The following KLHL14 variants were observed in gnomAD, a reference collection of about 807,000 sequenced individuals.
KLHL14 encodes kelch-like protein 14.
A neutral mutation model predicts 64.3 loss-of-function variants in KLHL14; 22 were observed. That is an observed-to-expected ratio of 0.34 (90% CI 0.24 to 0.49). The LOEUF is 0.49. Ranked by LOEUF, KLHL14 falls within the 20% of genes least tolerant of loss-of-function variation. The pLI is 0.99. For synonymous variants in KLHL14, 322 were observed against 333.4 expected (o/e 0.97, Z 0.37); for missense variants, 661 against 789.0 (o/e 0.84, Z 1.94).
At position 32,680,217 on chromosome 18, in the gene KLHL14, C is replaced by T; in HGVS notation, c.1540G>A (p.Ala514Thr). The stretch of plus-strand genomic sequence containing the variant: ...GCATACAAGCGATCATTCATTACAG[C>T]CAAAGTGTGAATTGCACGTTTTGTG... ...MNTKRAIHTL[A>T]VMNDRLYAIG... The change falls in exon 7 of 9, where the codon GCT becomes ACT. Residue 514 changes from alanine (A) to threonine (T), a missense_variant. This residue lies in a region of KLHL14 where 330 missense variants were observed against 450.0 expected (regional missense o/e 0.73). Coordinates refer to ENST00000359358, the MANE Select transcript of KLHL14 (RefSeq NM_020805.3). This position sits in a 1 kb window ranked among gnomAD's most constrained non-coding sequence, Gnocchi z 4.8. 1 of 1,613,796 alleles carries T rather than the reference C, an allele frequency of 6.2e-7. No homozygotes were observed. The highest frequency in any genetic ancestry group is 1.3e-5 in the African/African-American group (1 of 75,018).
At chr18:32,736,417 C>G (rs1162297289) in intron 3 of KLHL14, among the ~76,000 whole-genome samples, 1 of 152,038 alleles carries the variant, frequency 6.6e-6, no homozygotes, top group Non-Finnish European at 1.5e-5. Flanking sequence ...CTTCTTTGTC[C>G]AAAGCCATGG....
rs778029659 is a variant in KLHL14 at position 32,674,519 on chromosome 18, G to A, written c.*138C>T. 1 of 646,642 alleles carries A rather than the reference G, an allele frequency of 1.5e-6. No individual in the cohort carries two copies. The highest frequency in any genetic ancestry group is 2.8e-6 in the Non-Finnish European group (1 of 355,988). The allele number at this position is 646,642 out of a possible 1,614,324, so 40.1% of individuals were successfully genotyped here. On this transcript the variant is annotated 3_prime_UTR_variant, in exon 9 of 9. Coordinates refer to ENST00000359358, the MANE Select transcript of KLHL14 (RefSeq NM_020805.3). ...CAAGAACAGGTCTCTTTCTTTTGTA[G>A]TTACTTATAAATCATCAGAAACCAA... is the stretch of plus-strand genomic sequence containing the variant.
chr18:32,701,971 T>C (rs1336646253), intron 3 of KLHL14, among the ~76,000 whole-genome samples: 1 of 152,242 alleles, frequency 6.6e-6, no homozygotes, highest in African/African-American at 2.4e-5. Flanking sequence ...TTTGCCAGTA[T>C]GGTGAGTGAA....
At chr18:32,745,339 G>C (rs1158053458) in intron 2 of KLHL14, 4 of 152,200 alleles carry the variant, frequency 2.6e-5, no homozygotes, top group South Asian at 4.1e-4. Flanking sequence ...CCCAAAATAG[G>C]ATAAAACATG....
chr18:32,677,473 T>TTTCTCCCAATCTCAG, intron 7 of KLHL14, 143 bp from the exon 8 acceptor site: 1 of 770,690 alleles, frequency 1.3e-6, no homozygotes, highest in Non-Finnish European at 2.0e-6. Flanking sequence ...TTCACTGAGA[T>TTTCTCCCAATCTCAG]TGGGAGAAAT....
rs561232846 is a variant in KLHL14 at position 32,683,708 on chromosome 18, T to C, written c.1239-3109A>G. 1.1e-3 allele frequency among the ~76,000 whole-genome samples: 171 copies of C among 152,348 alleles called. 1 individual carries two copies. The Middle Eastern group carries it at 0.014, about 12-fold the overall frequency. Reference sequence around the variant, plus strand: ...TTTTAAAAAGATTAATAATAATGCGTACAAATATACTTTACACTCTGCTTA... The same window carrying C: ...TTTTAAAAAGATTAATAATAATGCGCACAAATATACTTTACACTCTGCTTA... On this transcript the variant is annotated intron_variant, in intron 5 of 8. Transcript: ENST00000359358. The surrounding 1 kb of genome is among the most constrained non-coding windows in gnomAD (Gnocchi z 4.2).
rs1310851414 is a variant in KLHL14 at position 32,770,572 on chromosome 18, C to T, written c.20G>A (p.Arg7Lys). The T allele has an allele frequency of 1.3e-6, 2 of 1,584,306 alleles. No individual in the cohort carries two copies. Among genetic ancestry groups the T allele is most frequent in the South Asian group, 2.3e-5 (2 of 88,572 alleles). Residue 7 changes from arginine to lysine, a missense_variant, in exon 2 of 9, where the codon AGG becomes AAG. Physicochemically the swap from Arg to Lys is conservative, Grantham distance 26. Coordinates refer to ENST00000359358, the MANE Select transcript of KLHL14 (RefSeq NM_020805.3). This position sits in a 1 kb window ranked among gnomAD's most constrained non-coding sequence, Gnocchi z 6.7. MSRSGD[R>K]TSTFDPSHSD... ...GTGGCTGGGGTCGAAGGTGGAGGTC[C>T]TGTCCCCGGATCTGGACATGGCGAG...
intron 4 of KLHL14, among the ~76,000 whole-genome samples, chr18:32,690,117 G>T (rs1247318724): frequency 6.6e-6 from 1 of 152,094 alleles, no homozygotes; most frequent in Non-Finnish European, 1.5e-5. Flanking sequence ...AGGGCGGCAG[G>T]TTTATGAGGA....
chr18:32,745,747 A>G (rs1231065166), intron 2 of KLHL14, among the ~76,000 whole-genome samples: 2 of 152,238 alleles, frequency 1.3e-5, no homozygotes. Context: ...TGCAATTATA[A>G]TAGTGACAAT....
chr18:32,682,537 C>A (rs1025028980), intron 5 of KLHL14, among the ~76,000 whole-genome samples: 14 of 152,046 alleles, frequency 9.2e-5, no homozygotes, highest in African/African-American at 3.4e-4. Context: ...TTGGAGGAAG[C>A]TTTTTAATGT....
In KLHL14 at chr18:32,683,978, T is replaced by A. The variant is rs1001279241; in HGVS notation, c.1238+3177A>T. On this transcript the variant is annotated intron_variant, in intron 5 of 8. Coordinates refer to ENST00000359358, the MANE Select transcript of KLHL14 (RefSeq NM_020805.3). The surrounding 1 kb of genome is among the most constrained non-coding windows in gnomAD (Gnocchi z 4.2). ...GACATATTAAGTTCTTGTCTTTTAT[T>A]TACTCTGTGAAATAGAGGCTTTGTT... is the stretch of plus-strand genomic sequence containing the variant. 7.2e-5 allele frequency among the ~76,000 whole-genome samples: 11 copies of A among 152,346 alleles called. No homozygotes were observed. In the South Asian group the frequency reaches 2.3e-3, roughly 32 times the overall value.
At chr18:32,708,154 T>C (rs909598922) in intron 3 of KLHL14, among the ~76,000 whole-genome samples, 28 of 152,208 alleles carry the variant, frequency 1.8e-4, no homozygotes, top group Non-Finnish European at 1.5e-5. Flanking sequence ...TGGATGTATT[T>C]CTGACAAACT....
chr18:32,689,141 C>A (rs892563480), intron 4 of KLHL14, among the ~76,000 whole-genome samples: 1 of 152,116 alleles, frequency 6.6e-6, no homozygotes, highest in Non-Finnish European at 1.5e-5. Flanking sequence ...TTGGAATTAA[C>A]CTGAGAGACC....
intron 2 of KLHL14, among the ~76,000 whole-genome samples, chr18:32,747,289 C>T (rs1231784012): frequency 1.3e-5 from 2 of 152,104 alleles, no homozygotes; most frequent in Non-Finnish European, 2.9e-5. Flanking sequence ...AAATGCAGTA[C>T]ATTTATTGTG....
intron 4 of KLHL14, among the ~76,000 whole-genome samples, chr18:32,695,101 G>A (rs1392131787): frequency 6.6e-6 from 1 of 152,154 alleles, no homozygotes; most frequent in Non-Finnish European, 1.5e-5. Flanking sequence ...TGATAAAATG[G>A]GAGAAAGGTG....
intron 2 of KLHL14, among the ~76,000 whole-genome samples, chr18:32,764,447 T>C (rs1321042332): frequency 6.6e-6 from 1 of 152,140 alleles, no homozygotes. Flanking sequence ...TGAAGACTAA[T>C]GGGGATTTTT....
intron 4 of KLHL14, among the ~76,000 whole-genome samples, chr18:32,693,734 A>G (rs901401201): frequency 1.3e-5 from 2 of 152,138 alleles, no homozygotes; most frequent in African/African-American, 4.8e-5. Flanking sequence ...TTCTCACAGC[A>G]TATTCACTGA....
intron 5 of KLHL14, among the ~76,000 whole-genome samples, chr18:32,684,707 G>A (rs374758573): frequency 1.9e-4 from 29 of 150,502 alleles, no homozygotes; most frequent in Admixed American, 5.3e-4. Context: ...GGGAACTTCC[G>A]GTTTCATTCA....
chr18:32,690,533 A>G (rs1432314815), intron 4 of KLHL14, among the ~76,000 whole-genome samples: 2 of 152,122 alleles, frequency 1.3e-5, no homozygotes, highest in East Asian at 3.9e-4. Flanking sequence ...GTTCGAGACC[A>G]GCCTGGCCAA....
Sources: gnomAD v4.1 joint callset for allele counts (sites outside exome capture counted in the v4.1 genomes callset) on GRCh38, gnomAD v4.1.1 for gene constraint, gnomAD v4.1.1 regional missense constraint, Gnocchi (gnomAD v3.1) non-coding constraint, MANE v1.5 for transcripts, NCBI Gene and HGNC (gene_info 2026-07-23, HGNC 2026-07-21) for gene names.